Variants in ACACA observed in about 807,000 individuals in gnomAD.
The protein encoded by ACACA is acetyl-CoA carboxylase alpha.
A neutral mutation model predicts 296.1 loss-of-function variants in ACACA; 103 were observed. That is an observed-to-expected ratio of 0.35 (90% confidence interval 0.30 to 0.41). The LOEUF is 0.41. Ranked by LOEUF, ACACA falls within the 10% of genes least tolerant of loss-of-function variation. The pLI is 1.00. For synonymous variants in ACACA, 953 were observed against 1,038.6 expected, an observed-to-expected ratio of 0.92 and a Z score of 1.58; for missense variants, 1,554 against 2,989.7, an observed-to-expected ratio of 0.52 and a Z score of 11.20.
chr17:37,093,219 T>A (rs1194102922), intron 54 of ACACA, among the ~76,000 whole-genome samples: 1 of 152,192 alleles, frequency 6.6e-6, no homozygotes, highest in Non-Finnish European at 1.5e-5. Flanking sequence ...GGGGCCTCTG[T>A]TGAGCATTCA....
chr17:37,205,519 T>G (rs1331581271), intron 33 of ACACA, among the ~76,000 whole-genome samples: 2 of 152,116 alleles, frequency 1.3e-5, no homozygotes, highest in African/African-American at 4.8e-5. Context: ...TGGGAGAGAT[T>G]TAGGAAGATA....
At chr17:37,282,266 T>C (rs2082572633) in intron 5 of ACACA, among the ~76,000 whole-genome samples, 1 of 152,218 alleles carries the variant, frequency 6.6e-6, no homozygotes, top group South Asian at 2.1e-4. Context: ...GCTCTGGCTA[T>C]GTGATGTGCC....
In ACACA at chr17:37,113,082, C is replaced by T. The variant is rs373632846; in HGVS notation, c.6452+6G>A. 6.2e-6 allele frequency: 10 copies of T among 1,613,922 alleles called. No individual in the cohort carries two copies. The highest frequency in any genetic ancestry group is 4.0e-5 in the African/African-American group (3 of 74,872). Reference sequence around the variant, plus strand: ...GCAGTGAATGGAAATGTGGAAGGCACGCTACCTGCTTTCTCGGTCAGCATA... The same window carrying T: ...GCAGTGAATGGAAATGTGGAAGGCATGCTACCTGCTTTCTCGGTCAGCATA... On this transcript the variant is annotated splice_donor_region_variant and intron_variant, in intron 51 of 55. Coordinates refer to ENST00000616317, the MANE Select transcript of ACACA (RefSeq NM_198834.3). This position sits in a 1 kb window ranked among gnomAD's most constrained non-coding sequence, Gnocchi z 4.0.
At chr17:37,354,180 A>G (rs963409572) in intron 1 of ACACA, among the ~76,000 whole-genome samples, 17 of 152,226 alleles carry the variant, frequency 1.1e-4, no homozygotes, top group African/African-American at 4.1e-4. Flanking sequence ...CTGCCATGCA[A>G]TTTCCAGTCC....
At chr17:37,190,247 G>A (rs1018815460) in intron 38 of ACACA, among the ~76,000 whole-genome samples, 12 of 152,064 alleles carry the variant, frequency 7.9e-5, no homozygotes, top group Non-Finnish European at 1.6e-4. Context: ...TGACTAACAT[G>A]GTGAAACCCC....
rs554611397 is a variant in ACACA, at chr17:37,240,346, G to A, written c.3121+130C>T. On this transcript the variant is annotated intron_variant, in intron 24 of 55. Transcript: ENST00000616317. Reference sequence around the variant, plus strand: ...AGTTTTTAAGGGAGTAGTGATAGGAGACTGTTTATTAATGGGAAGTGTTGT... The same window carrying A: ...AGTTTTTAAGGGAGTAGTGATAGGAAACTGTTTATTAATGGGAAGTGTTGT... 9.9e-5 allele frequency: 74 copies of A among 751,138 alleles called. No individual in the cohort carries two copies. In the South Asian group the frequency reaches 1.1e-3, roughly 11 times the overall value. 46.5% of individuals were successfully genotyped at this position (751,138 alleles called of 1,614,324 possible).
Position 37,371,156 on chromosome 17 carries a change from T to G in ACACA, c.39-31306A>C, listed in dbSNP as rs561022955. ...GTGCAATGTCACGATCTCGGCTCAC[T>G]GCAACCTCCACCTCCCGCGTTCAAG... On this transcript the variant is annotated intron_variant, in intron 1 of 55. Coordinates refer to ENST00000616317, the MANE Select transcript of ACACA (RefSeq NM_198834.3). Among the ~76,000 whole-genome samples, 24 of 152,106 alleles carry G rather than the reference T, an allele frequency of 1.6e-4. No individual in the cohort carries two copies. In the East Asian group the frequency reaches 4.7e-3, roughly 30 times the overall value.
chr17:37,292,914 C>T (rs563523380), intron 3 of ACACA, among the ~76,000 whole-genome samples: 25 of 152,076 alleles, frequency 1.6e-4, no homozygotes, highest in Non-Finnish European at 3.1e-4. Flanking sequence ...ACTTCAGTGC[C>T]GGCACTACCC....
chr17:37,095,872 G>A (rs572060995), intron 54 of ACACA, among the ~76,000 whole-genome samples: 30 of 152,144 alleles, frequency 2.0e-4, no homozygotes, highest in Admixed American at 7.2e-4. Context: ...ACTATTCCAG[G>A]AGCAAATGCT....
chr17:37,092,273 C>CAAAAA (rs34799022), intron 54 of ACACA, among the ~76,000 whole-genome samples: 1 of 104,814 alleles, frequency 9.5e-6, no homozygotes, highest in Non-Finnish European at 2.3e-5. Flanking sequence ...TAGAGTGAGA[C>CAAAAA]AAAAAAAAAA....
At chr17:37,197,359 A>G (rs1177229221) in intron 35 of ACACA, among the ~76,000 whole-genome samples, 4 of 152,218 alleles carry the variant, frequency 2.6e-5, no homozygotes, top group Admixed American at 2.6e-4. Context: ...AATGTGCTTG[A>G]ATCAAACTTG....
intron 45 of ACACA, among the ~76,000 whole-genome samples, chr17:37,141,683 C>A (rs531128014): frequency 1.3e-5 from 2 of 152,036 alleles, no homozygotes; most frequent in Non-Finnish European, 2.9e-5. Flanking sequence ...GAAGAACAAT[C>A]AAAAGTTTTT....
chr17:37,260,276 ATATATATATATATATATATAT>A (rs1237033081), intron 11 of ACACA, among the ~76,000 whole-genome samples: 9 of 29,828 alleles, frequency 3.0e-4, no homozygotes, highest in African/African-American at 5.2e-4. Flanking sequence ...ATATATATAT[ATATATATATATATATATATAT>A]TTTTTTTTTT....
At chr17:37,134,326 T>A (rs768502360) in intron 45 of ACACA, among the ~76,000 whole-genome samples, 2 of 152,204 alleles carry the variant, frequency 1.3e-5, no homozygotes, top group Non-Finnish European at 2.9e-5. Flanking sequence ...CTTTCCCCCA[T>A]GCTCCAGACG....
At chr17:37,343,524 T>A (rs1315109539) in intron 1 of ACACA, among the ~76,000 whole-genome samples, 1 of 151,966 alleles carries the variant, frequency 6.6e-6, no homozygotes, top group African/African-American at 2.4e-5. Flanking sequence ...CCCAGCACTT[T>A]GGGAGGCCAA....
intron 8 of ACACA, among the ~76,000 whole-genome samples, chr17:37,275,514 GAAAA>G (rs1342087729): frequency 2.4e-5 from 3 of 123,220 alleles, no homozygotes; most frequent in East Asian, 4.7e-4. Flanking sequence ...AAAAAAAAAA[GAAAA>G]AAAAAGAAAA....
intron 1 of ACACA, among the ~76,000 whole-genome samples, chr17:37,398,241 A>AC (rs1555674355): frequency 5.0e-5 from 7 of 140,244 alleles, no homozygotes; most frequent in African/African-American, 1.6e-4. Flanking sequence ...AAAAAAAAAA[A>AC]AAAACAGTTT....
intron 52 of ACACA, among the ~76,000 whole-genome samples, chr17:37,107,506 G>C (rs574903269): frequency 6.6e-6 from 1 of 152,304 alleles, no homozygotes; most frequent in Admixed American, 6.5e-5. Context: ...ATCTGCACCT[G>C]GGGCAACCTT....
chr17:37,236,806 C>G (rs1346498873), intron 24 of ACACA, among the ~76,000 whole-genome samples: 2 of 152,082 alleles, frequency 1.3e-5, no homozygotes, highest in Non-Finnish European at 2.9e-5. Flanking sequence ...GCTTGGGTGT[C>G]AGAGTGAGAC....
Sources: allele counts gnomAD v4.1 joint callset (sites outside exome capture counted in the v4.1 genomes callset), GRCh38; gene constraint gnomAD v4.1.1; non-coding constraint Gnocchi (gnomAD v3.1); transcripts MANE v1.5; gene names NCBI Gene and HGNC (gene_info 2026-07-23, HGNC 2026-07-21).